The following OR1L8 variants were observed in gnomAD, a reference collection of about 807,000 sequenced individuals.
OR1L8 encodes olfactory receptor family 1 subfamily L member 8, also known as olfactory receptor 1L8.
For synonymous variants in OR1L8, 148 were observed against 147.0 expected (o/e 1.01, Z -0.05); for missense variants, 330 against 377.4 (o/e 0.87, Z 1.04).
At chr9:122,555,090 G>A in the OR1L8 span, among the ~76,000 whole-genome samples, 4 of 152,088 alleles carry the variant, frequency 2.6e-5, no homozygotes, top group Non-Finnish European at 4.4e-5. Context: ...TTTGAAACAT[G>A]TAGATATTTT....
the OR1L8 span, among the ~76,000 whole-genome samples, chr9:122,560,521 G>A: frequency 1.2e-4 from 18 of 152,072 alleles, no homozygotes; most frequent in African/African-American, 4.1e-4. Context: ...AGGCAGGCCT[G>A]GTGGTGACAA....
chr9:122,556,813 C>T, the OR1L8 span, among the ~76,000 whole-genome samples: 2 of 152,120 alleles, frequency 1.3e-5, no homozygotes, highest in Non-Finnish European at 2.9e-5. Context: ...TTGATTGAGG[C>T]TATGTTGAAT....
intron 4 of OR1L8, among the ~76,000 whole-genome samples, chr9:122,569,138 T>C (rs567650499): frequency 2.6e-5 from 4 of 152,216 alleles, no homozygotes; most frequent in Non-Finnish European, 5.9e-5. Flanking sequence ...GTGATTTTTT[T>C]TTCTGCTCTG....
chr9:122,551,008 C>T, the OR1L8 span, among the ~76,000 whole-genome samples: 1 of 151,460 alleles, frequency 6.6e-6, no homozygotes, highest in African/African-American at 2.4e-5. Flanking sequence ...CCTAGAATAC[C>T]TTAAAGATTC....
intron 2 of OR1L8, among the ~76,000 whole-genome samples, chr9:122,577,420 G>A (rs1829676942): frequency 6.6e-6 from 1 of 152,152 alleles, no homozygotes; most frequent in Non-Finnish European, 1.5e-5. Flanking sequence ...CGTTGGGATA[G>A]TCTGTGTTTA....
At chr9:122,572,729 A>G (rs1033201333) in intron 4 of OR1L8, 51 bp downstream of exon 4, 7 of 152,206 alleles carry the variant, frequency 4.6e-5, no homozygotes, top group Non-Finnish European at 1.0e-4. Context: ...AAGGAAAGAG[A>G]AAGTGCCAAA....
At chr9:122,569,382 T>TC (rs1829498164) in intron 4 of OR1L8, among the ~76,000 whole-genome samples, 1 of 137,280 alleles carries the variant, frequency 7.3e-6, no homozygotes, top group Non-Finnish European at 1.6e-5. Context: ...ATATTTTTCA[T>TC]CCCGATCCAG....
At chr9:122,553,768 C>T in the OR1L8 span, 1 of 1,614,064 alleles carries the variant, frequency 6.2e-7, no homozygotes, top group Non-Finnish European at 8.5e-7. Context: ...GATCCTAGTG[C>T]TCTCCTGAAG....
At chr9:122,579,285 A>G (rs1293494269) in intron 1 of OR1L8, among the ~76,000 whole-genome samples, 1 of 151,984 alleles carries the variant, frequency 6.6e-6, no homozygotes, top group Non-Finnish European at 1.5e-5. Flanking sequence ...AATTTGAAAC[A>G]TTTTAATTGA....
In OR1L8 at chr9:122,568,212, T is replaced by C. The variant is rs765866011; in HGVS notation, c.266A>G (p.Glu89Gly). The change falls in exon 5 of 5, where the codon GAA becomes GGA. Residue 89 changes from glutamate to glycine, a missense_variant. Glu to Gly is a moderately conservative substitution (Grantham distance 98, BLOSUM62 -2). Coordinates refer to ENST00000641027, the MANE Select transcript of OR1L8 (RefSeq NM_001004454.2). ...VPKMLMNFLS[E>G]KKTISYAGCL... ...CCCAGCATAGGAGATGGTCTTCTTT[T>C]CTGACAGGAAGTTCATCAGCATCTT... The C allele has an allele frequency of 1.7e-5, 27 of 1,614,100 alleles. No individual in the cohort carries two copies. Among genetic ancestry groups the C allele is most frequent in the Non-Finnish European group, 2.3e-5 (27 of 1,180,046 alleles).
intron 3 of OR1L8, among the ~76,000 whole-genome samples, chr9:122,573,176 C>G (rs1000204602): frequency 2.4e-4 from 37 of 152,286 alleles, no homozygotes; most frequent in African/African-American, 8.4e-4. Flanking sequence ...CTGTGGTGTG[C>G]TGACCCCTCA....
At chr9:122,559,804 T>G in the OR1L8 span, among the ~76,000 whole-genome samples, 1 of 152,322 alleles carries the variant, frequency 6.6e-6, no homozygotes, top group East Asian at 1.9e-4. Flanking sequence ...TTCTGTTGAT[T>G]TGGGGTGGAG....
At chr9:122,571,586 C>T (rs1406364080) in intron 4 of OR1L8, among the ~76,000 whole-genome samples, 13 of 147,112 alleles carry the variant, frequency 8.8e-5, no homozygotes, top group South Asian at 2.2e-4. Context: ...TGTGGTGGGG[C>T]GCACCTGTAG....
At chr9:122,579,050 G>T (rs965295943) in intron 1 of OR1L8, among the ~76,000 whole-genome samples, 3 of 151,162 alleles carry the variant, frequency 2.0e-5, no homozygotes, top group Non-Finnish European at 4.4e-5. Context: ...AAAAAAAATA[G>T]AAAGTCATTA....
chr9:122,582,987 A>G (rs1829757188), intron 1 of OR1L8, among the ~76,000 whole-genome samples: 1 of 151,976 alleles, frequency 6.6e-6, no homozygotes, highest in Non-Finnish European at 1.5e-5. Context: ...CAGAGAGAGA[A>G]TATAAAAGAA....
intron 4 of OR1L8, among the ~76,000 whole-genome samples, chr9:122,569,188 T>G (rs561186670): frequency 2.0e-5 from 3 of 152,312 alleles, no homozygotes; most frequent in African/African-American, 7.2e-5. Flanking sequence ...GCTCATGACA[T>G]GCTATCATCA....
At position 122,567,443 on chromosome 9, in the gene OR1L8, T is replaced by G; in HGVS notation, c.*105A>C. On this transcript the variant is annotated 3_prime_UTR_variant, in exon 5 of 5. Transcript: ENST00000641027. ...CCACAATAGCCTTGTCTCACATGGG[T>G]CAGAAGTGCTAGCTTCCAACAGCTT... 2 of 817,348 alleles carry G rather than the reference T, an allele frequency of 2.4e-6. No homozygotes were observed. Among genetic ancestry groups the G allele is most frequent in the Non-Finnish European group, 3.9e-6 (2 of 512,918 alleles). 50.6% of individuals were successfully genotyped at this position (817,348 alleles called of 1,614,324 possible).
chr9:122,583,306 A>G lies in OR1L8; in HGVS notation c.-600+15T>C, dbSNP rs1309481710. Reference sequence around the variant, plus strand: ...ATCAAACAAAAAAAAAAACAGTAAAATATGAGAAACTCACAGTCAAGAGAA... The same window carrying G: ...ATCAAACAAAAAAAAAAACAGTAAAGTATGAGAAACTCACAGTCAAGAGAA... On this transcript the variant is annotated intron_variant, in intron 1 of 4. Transcript: ENST00000641027. 1 of 152,074 alleles carries G rather than the reference A, an allele frequency of 6.6e-6. No individual in the cohort carries two copies. Among genetic ancestry groups the G allele is most frequent in the East Asian group, 1.9e-4 (1 of 5,194 alleles). The allele number at this position is 152,074 out of a possible 1,614,324, so 9.4% of individuals were successfully genotyped here. A position where few individuals can be genotyped will look rare whatever the true frequency, so the allele number is the denominator to read the frequency against.
At chr9:122,577,190 C>T (rs1829672166) in intron 2 of OR1L8, among the ~76,000 whole-genome samples, 1 of 151,968 alleles carries the variant, frequency 6.6e-6, no homozygotes, top group South Asian at 2.1e-4. Flanking sequence ...TTTTTTTAAC[C>T]TCTAAAGAAG....
Sources: gnomAD v4.1 joint callset for allele counts (sites outside exome capture counted in the v4.1 genomes callset) on GRCh38, gnomAD v4.1.1 for gene constraint, MANE v1.5 for transcripts, NCBI Gene and HGNC (gene_info 2026-07-23, HGNC 2026-07-21) for gene names.